The following KIAA1217 variants were observed in gnomAD, a reference collection of about 807,000 sequenced individuals.
KIAA1217 encodes sickle tail protein homolog.
KIAA1217 carries 88 observed loss-of-function variants against 163.9 expected under a neutral mutation model. That is an observed-to-expected ratio of 0.54 (90% CI 0.45 to 0.64). The LOEUF (loss-of-function observed/expected upper bound fraction) is 0.64, where lower values mean the gene tolerates loss of function less well. KIAA1217 is among the 30% of genes least tolerant of loss of function. The probability of loss-of-function intolerance (pLI) is 0.00; values close to 1 mark genes in which losing one functional copy is unlikely to be tolerated. For missense variants in KIAA1217, 2,372 were observed against 2,475.0 expected, an observed-to-expected ratio of 0.96 and a Z score of 0.88; for synonymous variants, 903 against 923.1, an observed-to-expected ratio of 0.98 and a Z score of 0.39.
intron 1 of KIAA1217, among the ~76,000 whole-genome samples, chr10:24,215,002 G>A (rs548721424): frequency 7.2e-5 from 11 of 152,308 alleles, no homozygotes; most frequent in African/African-American, 2.4e-4. Flanking sequence ...CCTGCCTGCC[G>A]GACTTGCAGT....
In KIAA1217 at chr10:24,125,488, G is replaced by A. The variant is rs577666764; in HGVS notation, c.-170-94138G>A. ...ACCATTTTTGGCTAGATCTTCAAAT[G>A]TATTGATACAAAGTTGTTTTTGATA... On this transcript the variant is annotated intron_variant, in intron 2 of 18. Transcript: ENST00000376462. Among the ~76,000 whole-genome samples the A allele has an allele frequency of 7.9e-5, 12 of 151,872 alleles. No individual in the cohort carries two copies. In the South Asian group the frequency reaches 2.5e-3, roughly 32 times the overall value.
At chr10:24,121,229 A>AG (rs1314102803) in intron 2 of KIAA1217, among the ~76,000 whole-genome samples, 1 of 152,190 alleles carries the variant, frequency 6.6e-6, no homozygotes, top group Non-Finnish European at 1.5e-5. Context: ...GTAGCAGCCT[A>AG]GGGTGGGGGT....
In KIAA1217 at chr10:24,494,599, G is replaced by T. The variant is rs143298890; in HGVS notation, c.1779G>T (p.Ala593=). Reference sequence around the variant, plus strand: ...CCATTACAAGTTATAGCAAAGATGCGTCTAGGTAAAAAAGAAGAAAGCCAA... The same window carrying T: ...CCATTACAAGTTATAGCAAAGATGCTTCTAGGTAAAAAAGAAGAAAGCCAA... ...KGPITSYSKD[A]SSEKMMKTTA... The change falls in exon 7 of 21, where the codon GCG becomes GCT. Residue 593 remains alanine, a synonymous_variant. Transcript: ENST00000376454. 6.3e-7 allele frequency: 1 copy of T among 1,599,496 alleles called. No individual in the cohort carries two copies. Among genetic ancestry groups the T allele is most frequent in the Admixed American group, 1.7e-5 (1 of 58,122 alleles).
chr10:24,005,281 G>T (rs1475834001), intron 1 of KIAA1217, among the ~76,000 whole-genome samples: 6 of 152,162 alleles, frequency 3.9e-5, no homozygotes, highest in African/African-American at 1.4e-4. Flanking sequence ...CTCAATGTAA[G>T]CTAGTTATTG....
chr10:24,140,197 A>T lies in KIAA1217; in HGVS notation c.-170-79429A>T, dbSNP rs2063999697. Among the ~76,000 whole-genome samples the T allele has an allele frequency of 3.9e-5, 6 of 151,932 alleles. No individual in the cohort carries two copies. The South Asian group carries it at 1.2e-3, about 32-fold the overall frequency. ...ACACAGTGAAACCCCGTCTCTACTA[A>T]AAATACAAAAAAATTAGCTGGGCAA... On this transcript the variant is annotated intron_variant, in intron 2 of 18. Transcript: ENST00000376462.
intron 1 of KIAA1217, among the ~76,000 whole-genome samples, chr10:23,790,538 C>CATATATACATATATACATATGTAT (rs1835838864): frequency 2.4e-5 from 2 of 82,086 alleles, no homozygotes; most frequent in Non-Finnish European, 4.1e-5. Flanking sequence ...TATACATATA[C>CATATATACATATATACATATGTAT]ATGTGCATAT....
rs75705211 is a variant in KIAA1217 at position 24,318,179 on chromosome 10, T to A, written c.355-62690T>A. On this transcript the variant is annotated intron_variant, in intron 2 of 20. Transcript: ENST00000376454. The stretch of plus-strand genomic sequence containing the variant: ...GATAATTAGATAGAGATAGATTAGA[T>A]TAGAGAGGTAGGTAGGTAGGTAGAT... 6.3e-3 allele frequency among the ~76,000 whole-genome samples: 954 copies of A among 152,004 alleles called. 8 individuals are homozygous for A. The highest frequency in any genetic ancestry group is 0.021 in the African/African-American group (882 of 41,444).
rs2063751952 is a variant in KIAA1217 at position 24,473,731 on chromosome 10, G to A, written c.1350G>A (p.Leu450=). 6.2e-7 allele frequency: 1 copy of A among 1,614,022 alleles called. No homozygotes were observed. The highest frequency in any genetic ancestry group is 8.5e-7 in the Non-Finnish European group (1 of 1,180,024). ...MQAEMHMEQS[L]YRQKSRKYPD... ...CGGAAATGCATATGGAACAATCACT[G>A]TACAGACAGAAATCAAGGAAATATC... is the stretch of plus-strand genomic sequence containing the variant. The change falls in exon 6 of 21, where the codon CTG becomes CTA. Residue 450 remains leucine, a synonymous_variant. Transcript: ENST00000376454.
chr10:23,861,114 T>C (rs2131134728), intron 1 of KIAA1217, among the ~76,000 whole-genome samples: 1 of 152,028 alleles, frequency 6.6e-6, no homozygotes, highest in East Asian at 1.9e-4. Flanking sequence ...AGTTTCACCA[T>C]GTTGTCCAGG....
chr10:24,146,672 G>A (rs1038175540), intron 2 of KIAA1217, among the ~76,000 whole-genome samples: 1 of 151,726 alleles, frequency 6.6e-6, no homozygotes, highest in Non-Finnish European at 1.5e-5. Flanking sequence ...GACACAGAGA[G>A]ACCCTGTCTC....
intron 1 of KIAA1217, among the ~76,000 whole-genome samples, chr10:23,812,684 C>T (rs549616156): frequency 6.6e-6 from 1 of 152,274 alleles, no homozygotes; most frequent in African/African-American, 2.4e-5. Context: ...TGACACCCAA[C>T]ACTGCCTCCC....
In KIAA1217 at chr10:24,004,082, C is replaced by T. The variant is rs982428683; in HGVS notation, c.-320-3143C>T. 2.4e-4 allele frequency among the ~76,000 whole-genome samples: 36 copies of T among 152,088 alleles called. 1 individual carries two copies. The highest frequency in any genetic ancestry group is 1.3e-3 in the Admixed American group (20 of 15,274). Reference sequence around the variant, plus strand: ...GCAAACTCGGCTTCCCGGTTCCAAGCGATTCTCCTGCCTCAGCCTCCTGAG... The same window carrying T: ...GCAAACTCGGCTTCCCGGTTCCAAGTGATTCTCCTGCCTCAGCCTCCTGAG... On this transcript the variant is annotated intron_variant, in intron 1 of 18. Transcript: ENST00000376462.
In KIAA1217 at chr10:24,433,082, T is replaced by A; in HGVS notation, c.641T>A (p.Phe214Tyr). 6.2e-7 allele frequency: 1 copy of A among 1,614,168 alleles called. No individual in the cohort carries two copies. The change falls in exon 4 of 21, where the codon TTC becomes TAC. Residue 214 changes from phenylalanine (F) to tyrosine (Y), a missense_variant. Transcript: ENST00000376454. ...ITSADTIRAL[F>Y]VSAFPQQLTM... ...AGTGCAGACACAATCCGTGCTCTCTTCGTAAGTGCCTTTCCACAGCAGCTC... is the reference window on the plus strand; with the variant it reads ...AGTGCAGACACAATCCGTGCTCTCTACGTAAGTGCCTTTCCACAGCAGCTC...
At chr10:24,320,807 G>A (rs539492219) in intron 2 of KIAA1217, among the ~76,000 whole-genome samples, 6 of 152,286 alleles carry the variant, frequency 3.9e-5, no homozygotes, top group South Asian at 2.1e-4. Context: ...ACTTTGGGAG[G>A]CTGAGGCGGG....
intron 2 of KIAA1217, among the ~76,000 whole-genome samples, chr10:24,359,901 G>C (rs576232792): frequency 2.0e-5 from 3 of 151,656 alleles, no homozygotes; most frequent in Non-Finnish European, 4.4e-5. Context: ...CCATCTTTAA[G>C]TATTTTAAAC....
Position 23,851,973 on chromosome 10 carries a change from C to T in KIAA1217, c.-320-155252C>T, listed in dbSNP as rs543565071. On this transcript the variant is annotated intron_variant, in intron 1 of 18. Coordinates refer to the KIAA1217 transcript ENST00000376462. ...TCCCATTTTGTGGGTTGCCTGTTCA[C>T]TCCGATGGTAGTTTTTTTTTGCTGT... is the stretch of plus-strand genomic sequence containing the variant. Among the ~76,000 whole-genome samples the T allele has an allele frequency of 4.6e-5, 7 of 152,136 alleles. No homozygotes were observed. In the South Asian group the frequency reaches 1.2e-3, roughly 27 times the overall value.
chr10:24,235,816 G>T (rs578215590), intron 2 of KIAA1217, among the ~76,000 whole-genome samples: 1 of 152,134 alleles, frequency 6.6e-6, no homozygotes, highest in African/African-American at 2.4e-5. Flanking sequence ...GAAGGTCCGC[G>T]TTGACCCTTT....
chr10:23,856,776 C>G (rs1197982639), intron 1 of KIAA1217, among the ~76,000 whole-genome samples: 1 of 152,240 alleles, frequency 6.6e-6, no homozygotes, highest in Non-Finnish European at 1.5e-5. Context: ...GCTGTGCTAG[C>G]AATCAGCGAG....
At chr10:24,436,379 T>G (rs2131900829) in intron 4 of KIAA1217, among the ~76,000 whole-genome samples, 1 of 152,256 alleles carries the variant, frequency 6.6e-6, no homozygotes, top group Non-Finnish European at 1.5e-5. Context: ...AGAATTATTC[T>G]ATTTCTTGAT....
Sources: allele counts gnomAD v4.1 joint callset (sites outside exome capture counted in the v4.1 genomes callset), GRCh38; gene constraint gnomAD v4.1.1; transcripts MANE v1.5; gene names NCBI Gene and HGNC (gene_info 2026-07-23, HGNC 2026-07-21).